The following IFNA6 variants were observed in gnomAD, a reference collection of about 807,000 sequenced individuals.
The protein encoded by IFNA6 is interferon alpha-6.
For missense variants in IFNA6, 235 were observed against 212.4 expected, an observed-to-expected ratio of 1.11 and a Z score of -0.66; for synonymous variants, 96 against 79.2, an observed-to-expected ratio of 1.21 and a Z score of -1.13.
At position 21,350,787 on chromosome 9, in the gene IFNA6, T is replaced by G. The variant is rs779388589; in HGVS notation, c.101A>C (p.His34Pro). Residue 34 changes from histidine to proline, a missense_variant, in exon 1 of 1, where the codon CAC becomes CCC. Coordinates refer to ENST00000380210, the Ensembl canonical transcript of IFNA6. The stretch of plus-strand genomic sequence containing the variant: ...TGCCAGGAGCATCATGGTCCTCCTG[T>G]GACCCAGGCTGTGGGTCTGAGGCAG... The G allele has an allele frequency of 2.5e-6, 4 of 1,613,870 alleles. No homozygotes were observed. The South Asian group carries it at 3.3e-5, about 13-fold the overall frequency.
chr9:21,350,825 A>T, exon 1 of IFNA6: 1 of 1,613,964 alleles, frequency 6.2e-7, no homozygotes, highest in Non-Finnish European at 8.5e-7. Flanking sequence ...CACAGTCCAG[A>T]GAGCAGCTTG....
exon 1 of IFNA6, chr9:21,350,352 C>G: frequency 6.6e-7 from 1 of 1,517,128 alleles, no homozygotes; most frequent in Non-Finnish European, 8.9e-7. Context: ...TTGCAAGTTT[C>G]TTGATGAAGA....
chr9:21,350,663 T>C (rs1041754588), exon 1 of IFNA6: 3 of 1,613,904 alleles, frequency 1.9e-6, no homozygotes, highest in Non-Finnish European at 2.5e-6. Flanking sequence ...CAGAGATGGC[T>C]TCAGCCTTCT....
At chr9:21,350,566 G>GT in the IFNA6 span, 1 of 1,613,858 alleles carries the variant, frequency 6.2e-7, no homozygotes, top group Non-Finnish European at 8.5e-7. Context: ...TCAGTATAGA[G>GT]TTTGTCTAGA....
exon 1 of IFNA6, chr9:21,350,659 T>C (rs763424513): frequency 3.7e-6 from 6 of 1,614,026 alleles, no homozygotes; most frequent in Non-Finnish European, 5.1e-6. Context: ...AGGACAGAGA[T>C]GGCTTCAGCC....
rs150269404 is a variant in IFNA6 at position 21,350,379 on chromosome 9, T to G, written c.509A>C (p.Glu170Ala). Reference sequence around the variant, plus strand: ...TGATGAAGAGAAGGATCTCATGATTTCTGCTCTGACAACCTCCCAGGCACA... The same window carrying G: ...TGATGAAGAGAAGGATCTCATGATTGCTGCTCTGACAACCTCCCAGGCACA... Residue 170 changes from glutamate (E) to alanine (A), a missense_variant, in exon 1 of 1, where the codon GAA becomes GCA. By Grantham distance (107) the Glu-to-Ala change is moderately radical. Coordinates refer to ENST00000380210, the Ensembl canonical transcript of IFNA6. 176 of 1,613,800 alleles carry G rather than the reference T, an allele frequency of 1.1e-4. No individual in the cohort carries two copies. The highest frequency in any genetic ancestry group is 1.4e-4 in the Non-Finnish European group (171 of 1,179,860).
chr9:21,350,392 C>A (rs1310819058), exon 1 of IFNA6: 1 of 1,608,526 alleles, frequency 6.2e-7, no homozygotes, highest in East Asian at 2.2e-5. Context: ...GCTCTGACAA[C>A]CTCCCAGGCA....
At chr9:21,350,698 C>A in the IFNA6 span, 3 of 1,614,040 alleles carry the variant, frequency 1.9e-6, no homozygotes, top group Non-Finnish European at 2.5e-6. Flanking sequence ...TCAAACTCCT[C>A]CTGGGGAAAT....
exon 1 of IFNA6, chr9:21,350,567 T>C: frequency 6.2e-7 from 1 of 1,613,732 alleles, no homozygotes; most frequent in East Asian, 2.2e-5. Flanking sequence ...CAGTATAGAG[T>C]TTGTCTAGAA....
chr9:21,350,447 G>A, exon 1 of IFNA6: 1 of 1,614,034 alleles, frequency 6.2e-7, no homozygotes, highest in Non-Finnish European at 8.5e-7. Context: ...TGATTCTTTG[G>A]AAGTATTTTC....
At chr9:21,350,603 G>A (rs375649668) in exon 1 of IFNA6, 21 of 1,613,882 alleles carry the variant, frequency 1.3e-5, no homozygotes, top group African/African-American at 9.3e-5. Flanking sequence ...CAACAGATGA[G>A]TCCTTTGTGC....
exon 1 of IFNA6, chr9:21,350,355 G>A (rs1820433652): frequency 6.5e-7 from 1 of 1,540,232 alleles, no homozygotes; most frequent in Non-Finnish European, 8.8e-7. Context: ...CAAGTTTCTT[G>A]ATGAAGAGAA....
exon 1 of IFNA6, chr9:21,350,859 G>T: frequency 6.2e-7 from 1 of 1,613,810 alleles, no homozygotes; most frequent in South Asian, 1.1e-5. Flanking sequence ...CACCACCAGG[G>T]CCATCAGTAA....
chr9:21,350,463 G>T, exon 1 of IFNA6: 5 of 1,614,020 alleles, frequency 3.1e-6, no homozygotes, highest in East Asian at 2.2e-5. Context: ...TTTTCTCACA[G>T]CCAGGATGGA....
At chr9:21,350,496 C>T (rs781479577) in exon 1 of IFNA6, 4 of 1,613,870 alleles carry the variant, frequency 2.5e-6, no homozygotes, top group African/African-American at 1.3e-5. Flanking sequence ...CAGGGGAGTC[C>T]CTCCCACCCA....
chr9:21,350,503 C>T (rs137921767), exon 1 of IFNA6: 7 of 1,613,912 alleles, frequency 4.3e-6, no homozygotes, highest in Non-Finnish European at 3.4e-6. Context: ...GTCCCTCCCA[C>T]CCACACCTCC....
At chr9:21,350,507 C>T in exon 1 of IFNA6, 1 of 1,614,054 alleles carries the variant, frequency 6.2e-7, no homozygotes. Context: ...CTCCCACCCA[C>T]ACCTCCTGCA....
chr9:21,350,669 C>A, exon 1 of IFNA6: 1 of 1,613,998 alleles, frequency 6.2e-7, no homozygotes, highest in Non-Finnish European at 8.5e-7. Flanking sequence ...TGGCTTCAGC[C>A]TTCTGGAACT....
chr9:21,350,405 A>G (rs771153703), exon 1 of IFNA6: 1 of 1,613,962 alleles, frequency 6.2e-7, no homozygotes, highest in South Asian at 1.1e-5. Flanking sequence ...CCCAGGCACA[A>G]GGGCTGTACT....
Sources: allele counts gnomAD v4.1 joint callset, GRCh38; gene constraint gnomAD v4.1.1; transcripts MANE v1.5; gene names NCBI Gene and HGNC (gene_info 2026-07-23, HGNC 2026-07-21).